ZNF385D: variants seen among roughly 807,000 people sequenced by gnomAD.
ZNF385D encodes the protein zinc finger protein 659.
ZNF385D carries 15 observed loss-of-function variants against 35.8 expected under a neutral mutation model. The ratio of observed to expected loss-of-function variants is 0.42; its 90% CI spans 0.28 to 0.64. The LOEUF is 0.64. ZNF385D is among the 30% of genes least tolerant of loss of function. The pLI is 0.23. For synonymous variants in ZNF385D, 212 were observed against 186.8 expected (o/e 1.13, Z -1.10); for missense variants, 474 against 494.6 (o/e 0.96, Z 0.39).
intron 3 of ZNF385D, among the ~76,000 whole-genome samples, chr3:22,122,713 AAAG>A (rs1703158515): frequency 6.6e-6 from 1 of 152,184 alleles, no homozygotes; most frequent in South Asian, 2.1e-4. Context: ...TTGGATATGG[AAAG>A]TACCAAGAAA....
chr3:21,470,300 C>T (rs542310113), intron 4 of ZNF385D, among the ~76,000 whole-genome samples: 15 of 152,228 alleles, frequency 9.9e-5, no homozygotes, highest in African/African-American at 3.1e-4. Context: ...TTCTAGGTAG[C>T]TTCAGGAAAG....
At chr3:21,803,332 C>A (rs979881489) in intron 3 of ZNF385D, among the ~76,000 whole-genome samples, 19 of 152,102 alleles carry the variant, frequency 1.2e-4, no homozygotes, top group African/African-American at 4.6e-4. Context: ...TTATCATCTT[C>A]CTTAAAATTT....
chr3:22,046,409 T>TA (rs1287160474), intron 3 of ZNF385D, among the ~76,000 whole-genome samples: 1 of 152,152 alleles, frequency 6.6e-6, no homozygotes, highest in African/African-American at 2.4e-5. Flanking sequence ...TATGTTTATA[T>TA]AAAAAAGACA....
chr3:21,771,125 G>A (rs910222160), intron 3 of ZNF385D, among the ~76,000 whole-genome samples: 1 of 151,488 alleles, frequency 6.6e-6, no homozygotes, highest in Non-Finnish European at 1.5e-5. Context: ...AGCATTAGGA[G>A]ATATACCTAA....
intron 3 of ZNF385D, among the ~76,000 whole-genome samples, chr3:22,068,798 C>CA (rs1376182849): frequency 2.0e-5 from 3 of 152,194 alleles, no homozygotes; most frequent in Non-Finnish European, 4.4e-5. Context: ...TTAATATTGG[C>CA]ATATGCACAA....
At chr3:22,330,844 A>G (rs1162501228) in intron 2 of ZNF385D, among the ~76,000 whole-genome samples, 3 of 152,208 alleles carry the variant, frequency 2.0e-5, no homozygotes, top group African/African-American at 7.2e-5. Context: ...TTGTTCCTGT[A>G]ACCCTGCAGG....
intron 3 of ZNF385D, among the ~76,000 whole-genome samples, chr3:22,068,633 AT>A (rs1700083548): frequency 6.6e-6 from 1 of 152,140 alleles, no homozygotes; most frequent in Non-Finnish European, 1.5e-5. Context: ...CATTTCTTTG[AT>A]CTTTCTTTGG....
intron 3 of ZNF385D, among the ~76,000 whole-genome samples, chr3:21,563,763 C>A (rs899259610): frequency 6.6e-6 from 1 of 152,176 alleles, no homozygotes. Flanking sequence ...GCTCTCCAAT[C>A]CCTATTCCTT....
chr3:21,446,487 CTTTTTT>C (rs71044918), intron 4 of ZNF385D, among the ~76,000 whole-genome samples: 2 of 91,874 alleles, frequency 2.2e-5, no homozygotes, highest in African/African-American at 9.5e-5. Context: ...AATCAATGAA[CTTTTTT>C]TTTTTTTTTT....
At chr3:22,159,594 T>C (rs1388553) in intron 3 of ZNF385D, among the ~76,000 whole-genome samples, 2,406 of 152,100 alleles carry the variant, frequency 0.016, 39 homozygotes, top group African/African-American at 0.034. Flanking sequence ...GTAAAACAAA[T>C]AGCCAGTGGC....
At chr3:21,781,546 T>C (rs2071488450) in intron 3 of ZNF385D, among the ~76,000 whole-genome samples, 1 of 152,118 alleles carries the variant, frequency 6.6e-6, no homozygotes, top group African/African-American at 2.4e-5. Flanking sequence ...GAAAGCTTTT[T>C]TGAATAATGG....
At chr3:22,066,490 GTGTA>G (rs1256036760) in intron 3 of ZNF385D, among the ~76,000 whole-genome samples, 1 of 147,158 alleles carries the variant, frequency 6.8e-6, no homozygotes, top group African/African-American at 2.5e-5. Flanking sequence ...GTGTGTGTGT[GTGTA>G]TGTCTGTAAG....
chr3:21,810,636 G>C (rs2072875994), intron 3 of ZNF385D, among the ~76,000 whole-genome samples: 1 of 152,014 alleles, frequency 6.6e-6, no homozygotes, highest in African/African-American at 2.4e-5. Flanking sequence ...GAATGAATCA[G>C]ATGGAGAGTA....
intron 1 of ZNF385D, among the ~76,000 whole-genome samples, chr3:21,711,810 C>A (rs4858008): frequency 0.68 from 103,802 of 151,854 alleles, 35,526 homozygotes; most frequent in East Asian, 0.74. Flanking sequence ...ATATAGTGAG[C>A]TGGACTGAGG....
intron 3 of ZNF385D, among the ~76,000 whole-genome samples, chr3:21,783,096 T>C (rs1481312632): frequency 6.6e-6 from 1 of 152,186 alleles, no homozygotes; most frequent in Non-Finnish European, 1.5e-5. Context: ...TTTGGATCAA[T>C]ATTTCAAGAT....
chr3:22,226,196 T>TA (rs55676036), intron 2 of ZNF385D, among the ~76,000 whole-genome samples: 19,154 of 152,228 alleles, frequency 0.13, 1,298 homozygotes, highest in Middle Eastern at 0.18. Context: ...TGATCCTATA[T>TA]AAAAAATATC....
At chr3:22,202,564 A>C (rs1696870545) in intron 2 of ZNF385D, among the ~76,000 whole-genome samples, 1 of 152,144 alleles carries the variant, frequency 6.6e-6, no homozygotes, top group Non-Finnish European at 1.5e-5. Context: ...TTTCTGTACC[A>C]AAAAGCACCT....
At chr3:21,726,989 A>G (rs986971885) in intron 1 of ZNF385D, among the ~76,000 whole-genome samples, 1 of 152,214 alleles carries the variant, frequency 6.6e-6, no homozygotes, top group Non-Finnish European at 1.5e-5. Flanking sequence ...GACCAATGGA[A>G]CAGAACAGAG....
intron 3 of ZNF385D, among the ~76,000 whole-genome samples, chr3:21,991,871 G>C (rs1559827618): frequency 1.3e-5 from 2 of 152,178 alleles, no homozygotes; most frequent in Non-Finnish European, 2.9e-5. Context: ...GTGAGTTATA[G>C]TGCATGCCTG....
Sources: gnomAD v4.1 joint callset for allele counts (sites outside exome capture counted in the v4.1 genomes callset) on GRCh38, gnomAD v4.1.1 for gene constraint, MANE v1.5 for transcripts, NCBI Gene and HGNC (gene_info 2026-07-23, HGNC 2026-07-21) for gene names.